FGF11: variants seen among roughly 807,000 people sequenced by gnomAD.
The protein encoded by FGF11 is fibroblast growth factor homologous factor 3.
Under a neutral mutation model 25.1 loss-of-function variants are expected in FGF11, and 25 were observed. The observed-to-expected ratio is 1.00, with a 90% CI of 0.73 to 1.39. The LOEUF is 1.39. FGF11 is among the 40% of genes most tolerant of loss of function. FGF11 has a pLI of 0.00. For missense variants in FGF11, 320 were observed against 311.0 expected (o/e 1.03, Z -0.22); for synonymous variants, 130 against 128.9 (o/e 1.01, Z -0.06).
Position 7,440,673 on chromosome 17 carries a change from AG to A in FGF11, c.194-795del, listed in dbSNP as rs1249708111. 1 of 985,488 alleles carries A rather than the reference AG, an allele frequency of 1.0e-6. No homozygotes were observed. Among genetic ancestry groups the A allele is most frequent in the Non-Finnish European group, 1.2e-6 (1 of 830,394 alleles). 61.0% of individuals were successfully genotyped at this position (985,488 alleles called of 1,614,324 possible). A position where few individuals can be genotyped will look rare whatever the true frequency, so the allele number is the denominator to read the frequency against. Reference sequence around the variant, plus strand: ...CTCCCGCCCGCTCCCAGCTCCCCTAAGGGTAGCCACCTCGCGCCCTCCTCCC... The same window carrying A: ...CTCCCGCCCGCTCCCAGCTCCCCTAAGGTAGCCACCTCGCGCCCTCCTCCC... On this transcript the variant is annotated intron_variant, in intron 1 of 4. Transcript: ENST00000293829. This position sits in a 1 kb window ranked among gnomAD's most constrained non-coding sequence, Gnocchi z 5.4.
At chr17:7,442,921 T>G in intron 4 of FGF11, 129 bp downstream of exon 4, 1 of 1,249,786 alleles carries the variant, frequency 8.0e-7, no homozygotes, top group Non-Finnish European at 1.2e-6. Context: ...CCAGGAAGGC[T>G]TTGCCCTTTG....
At position 7,440,976 on chromosome 17, in the gene FGF11, C is replaced by T. The variant is rs1289151080; in HGVS notation, c.194-495C>T. 1 of 1,004,188 alleles carries T rather than the reference C, an allele frequency of 1.0e-6. No homozygotes were observed. The highest frequency in any genetic ancestry group is 1.2e-6 in the Non-Finnish European group (1 of 839,384). 62.2% of individuals were successfully genotyped at this position (1,004,188 alleles called of 1,614,324 possible). On this transcript the variant is annotated intron_variant, in intron 1 of 4. Coordinates refer to ENST00000293829, the MANE Select transcript of FGF11 (RefSeq NM_004112.4). This position sits in a 1 kb window ranked among gnomAD's most constrained non-coding sequence, Gnocchi z 5.4. ...GCCGGCGCTGGGCCAAGGCAAGGCT[C>T]TCGCCAAGCTAGCGGCAGCCGCAGC... is the stretch of plus-strand genomic sequence containing the variant.
At chr17:7,441,966 C>A in intron 3 of FGF11, 87 bp downstream of exon 3, 1 of 1,027,656 alleles carries the variant, frequency 9.7e-7, no homozygotes, top group Non-Finnish European at 1.4e-6. Flanking sequence ...CCTTCCTCAA[C>A]TACAGACATT....
At chr17:7,439,952 G>A in intron 1 of FGF11, 139 bp downstream of exon 1, 4 of 597,546 alleles carry the variant, frequency 6.7e-6, no homozygotes, top group Non-Finnish European at 7.8e-6. Flanking sequence ...CAAAGTCCCT[G>A]CCAGACTGTG....
rs1266555875 is a variant in FGF11 at position 7,442,724 on chromosome 17, A to G, written c.539A>G (p.Gln180Arg). 1 of 1,613,970 alleles carries G rather than the reference A, an allele frequency of 6.2e-7. No individual in the cohort carries two copies. Among genetic ancestry groups the G allele is most frequent in the African/African-American group, 1.3e-5 (1 of 74,930 alleles). The change falls in exon 4 of 5, where the codon CAG (glutamine) becomes CGG (arginine). Residue 180 changes from glutamine (Q) to arginine (R), a missense_variant. Coordinates refer to ENST00000293829, the MANE Select transcript of FGF11 (RefSeq NM_004112.4). Reference sequence around the variant, plus strand: ...TACCTCGGCCTGGACAAGGAGGGCCAGGTCATGAAGGGAAACCGAGTTAAG... The same window carrying G: ...TACCTCGGCCTGGACAAGGAGGGCCGGGTCATGAAGGGAAACCGAGTTAAG... Reference protein sequence around the residue: ...AWYLGLDKEGQVMKGNRVKKT... With the variant: ...AWYLGLDKEGRVMKGNRVKKT...
At position 7,440,906 on chromosome 17, in the gene FGF11, TGACAGACA is replaced by T. The variant is rs201052872; in HGVS notation, c.194-546_194-539del. ...ACTGGGCCCCCGGGAGCCAGCGGAC[TGACAGACA>T]GACAGACAGACAGACAGATGGGTCA... On this transcript the variant is annotated intron_variant, in intron 1 of 4. Coordinates refer to ENST00000293829, the MANE Select transcript of FGF11 (RefSeq NM_004112.4). This position sits in a 1 kb window ranked among gnomAD's most constrained non-coding sequence, Gnocchi z 5.4. The T allele has an allele frequency of 2.4e-5, 24 of 988,222 alleles. No homozygotes were observed. The highest frequency in any genetic ancestry group is 1.1e-4 in the East Asian group (1 of 8,902). The allele number at this position is 988,222 out of a possible 1,614,324, so 61.2% of individuals were successfully genotyped here.
In FGF11 at chr17:7,441,693, A is replaced by C. The variant is rs565828000; in HGVS notation, c.305-83A>C. On this transcript the variant is annotated intron_variant, in intron 2 of 4. Coordinates refer to ENST00000293829, the MANE Select transcript of FGF11 (RefSeq NM_004112.4). ...CATTGATCCGTCTTCCTGACCTCTA[A>C]GGGAAAAAGTGGAGCTGGGATGAGG... The C allele has an allele frequency of 1.8e-5, 28 of 1,571,862 alleles. No individual in the cohort carries two copies. In the African/African-American group the frequency reaches 3.6e-4, roughly 20 times the overall value.
intron 3 of FGF11, 77 bp from the exon 4 acceptor site, chr17:7,442,517 T>C (rs929604164): frequency 1.9e-6 from 3 of 1,594,342 alleles, no homozygotes; most frequent in Non-Finnish European, 2.6e-6. Flanking sequence ...GTGCTTTCCA[T>C]GAGCTCCTTT....
chr17:7,439,199 C>T (rs2150832456), upstream of FGF11: 1 of 159,602 alleles, frequency 6.3e-6, no homozygotes, highest in Admixed American at 6.5e-5. Context: ...CTGTAGATTA[C>T]AAGAGTGGAT....
rs992829387 is a variant in FGF11, at chr17:7,443,352, G to A, written c.*206G>A. On this transcript the variant is annotated 3_prime_UTR_variant, in exon 5 of 5. Coordinates refer to ENST00000293829, the MANE Select transcript of FGF11 (RefSeq NM_004112.4). Reference sequence around the variant, plus strand: ...CCCTTAGATCTTTGGGCCTAGGAGGGAGTCAGAGAGGGGGATGTCTGAAGA... The same window carrying A: ...CCCTTAGATCTTTGGGCCTAGGAGGAAGTCAGAGAGGGGGATGTCTGAAGA... 3.9e-6 allele frequency: 2 copies of A among 514,544 alleles called. No homozygotes were observed. Among genetic ancestry groups the A allele is most frequent in the African/African-American group, 3.8e-5 (2 of 52,034 alleles). 31.9% of individuals were successfully genotyped at this position (514,544 alleles called of 1,614,324 possible).
Position 7,442,718 on chromosome 17 carries a change from A to G in FGF11, c.533A>G (p.Glu178Gly), listed in dbSNP as rs759214190. ...GRAWYLGLDK[E>G]GQVMKGNRVK... ...GCCTGGTACCTCGGCCTGGACAAGG[A>G]GGGCCAGGTCATGAAGGGAAACCGA... is the stretch of plus-strand genomic sequence containing the variant. Residue 178 changes from glutamate to glycine, a missense_variant, in exon 4 of 5, where the codon GAG (glutamate) becomes GGG (glycine). Transcript: ENST00000293829. 50 of 1,613,990 alleles carry G rather than the reference A, an allele frequency of 3.1e-5. No individual in the cohort carries two copies. Among genetic ancestry groups the G allele is most frequent in the Non-Finnish European group, 4.1e-5 (48 of 1,180,010 alleles).
Position 7,441,776 on chromosome 17 carries a change from C to G in FGF11, c.305C>G (p.Thr102Ser), listed in dbSNP as rs1290806577. ...TGATGCTCCCTCTCTCCACCTGCAG[C>G]CCACTTCAACCTGATCCCTGTGGGC... ...QGTPEDTSSFTHFNLIPVGLR... is the reference protein window; with the variant it reads ...QGTPEDTSSFSHFNLIPVGLR... The change falls in exon 3 of 5, where the codon ACC becomes AGC. Residue 102 changes from threonine to serine, a missense_variant and splice_region_variant. By Grantham distance (58) the Thr-to-Ser change is moderately conservative. Coordinates refer to ENST00000293829, the MANE Select transcript of FGF11 (RefSeq NM_004112.4). 6.3e-7 allele frequency: 1 copy of G among 1,599,308 alleles called. No individual in the cohort carries two copies. Among genetic ancestry groups the G allele is most frequent in the South Asian group, 1.1e-5 (1 of 88,506 alleles).
Position 7,442,603 on chromosome 17 carries a change from A to G in FGF11, c.418A>G (p.Thr140Ala). The G allele has an allele frequency of 6.2e-7, 1 of 1,614,114 alleles. No individual in the cohort carries two copies. Among genetic ancestry groups the G allele is most frequent in the Non-Finnish European group, 8.5e-7 (1 of 1,180,032 alleles). The change falls in exon 4 of 5, where the codon ACA (threonine) becomes GCA (alanine). Residue 140 changes from threonine (T) to alanine (A), a missense_variant. Physicochemically the swap from Thr to Ala is moderately conservative, Grantham distance 58. Transcript: ENST00000293829. ...GTCTTTGTCTCCTTAGCCGCATTTCACAGCTGAGTGTCGCTTTAAGGAGTG... is the reference window on the plus strand; with the variant it reads ...GTCTTTGTCTCCTTAGCCGCATTTCGCAGCTGAGTGTCGCTTTAAGGAGTG... ...EGLLYSSPHF[T>A]AECRFKECVF...
Position 7,440,515 on chromosome 17 carries a change from C to T in FGF11, c.193+702C>T, listed in dbSNP as rs531585771. ...ACAGTTCACGGCTAGAGATGGGCGC[C>T]GACTCGGGGGTCGTACCACCTACAA... is the stretch of plus-strand genomic sequence containing the variant. On this transcript the variant is annotated intron_variant, in intron 1 of 4. Transcript: ENST00000293829. The surrounding 1 kb of genome is among the most constrained non-coding windows in gnomAD (Gnocchi z 5.4). 5.5e-5 allele frequency: 16 copies of T among 290,892 alleles called. No homozygotes were observed. The highest frequency in any genetic ancestry group is 3.4e-4 in the African/African-American group (15 of 43,954). 18.0% of individuals were successfully genotyped at this position (290,892 alleles called of 1,614,324 possible).
At chr17:7,441,194 T>G in intron 1 of FGF11, 1 of 342,316 alleles carries the variant, frequency 2.9e-6, no homozygotes, top group Non-Finnish European at 5.6e-6. Context: ...TCCTTCCCCC[T>G]TCTGGTTGAG....
Position 7,440,419 on chromosome 17 carries a change from C to T in FGF11, c.193+606C>T, listed in dbSNP as rs1451863240. 3 of 153,148 alleles carry T rather than the reference C, an allele frequency of 2.0e-5. No homozygotes were observed. Among genetic ancestry groups the T allele is most frequent in the African/African-American group, 7.2e-5 (3 of 41,426 alleles). The allele number at this position is 153,148 out of a possible 1,614,324, so 9.5% of individuals were successfully genotyped here. A position where few individuals can be genotyped will look rare whatever the true frequency, so the allele number is the denominator to read the frequency against. On this transcript the variant is annotated intron_variant, in intron 1 of 4. Coordinates refer to ENST00000293829, the MANE Select transcript of FGF11 (RefSeq NM_004112.4). This position sits in a 1 kb window ranked among gnomAD's most constrained non-coding sequence, Gnocchi z 5.4. ...CAAGAACGGAGCTGGGCACCCCTCC[C>T]ATAACCCCCGCGCCACTCCGAAATC...
upstream of FGF11, chr17:7,438,301 T>C: frequency 6.0e-6 from 1 of 166,088 alleles, no homozygotes; most frequent in Non-Finnish European, 1.3e-5. Flanking sequence ...CGCCGCCGCC[T>C]CAGCTTCCCA....
rs1353441475 is a variant in FGF11 at position 7,440,022 on chromosome 17, G to A, written c.193+209G>A. 2.3e-6 allele frequency: 1 copy of A among 429,750 alleles called. No homozygotes were observed. Among genetic ancestry groups the A allele is most frequent in the Non-Finnish European group, 4.0e-6 (1 of 249,324 alleles). 26.6% of individuals were successfully genotyped at this position (429,750 alleles called of 1,614,324 possible). On this transcript the variant is annotated intron_variant, in intron 1 of 4. Coordinates refer to ENST00000293829, the MANE Select transcript of FGF11 (RefSeq NM_004112.4). The surrounding 1 kb of genome is among the most constrained non-coding windows in gnomAD (Gnocchi z 5.4). ...AGTCTCCTTATTTTCGAGGTCAAGGGGAAGGCTTGAGGGGCTGCCTGGCGC... is the reference window on the plus strand; with the variant it reads ...AGTCTCCTTATTTTCGAGGTCAAGGAGAAGGCTTGAGGGGCTGCCTGGCGC...
chr17:7,441,208 T>G, intron 1 of FGF11: 2 of 372,908 alleles, frequency 5.4e-6, no homozygotes, highest in Non-Finnish European at 5.0e-6. Context: ...GGTTGAGCTG[T>G]AGGGTAGGAA....
Sources: allele counts gnomAD v4.1 joint callset, GRCh38; gene constraint gnomAD v4.1.1; non-coding constraint Gnocchi (gnomAD v3.1); transcripts MANE v1.5; gene names NCBI Gene and HGNC (gene_info 2026-07-23, HGNC 2026-07-21).